Variants in EXOC6B observed in about 807,000 individuals in gnomAD.
EXOC6B encodes exocyst complex component 6B, also known as SEC15 homolog B.
In EXOC6B, 54 loss-of-function variants were observed where a neutral mutation model predicts 113.5. The ratio of observed to expected loss-of-function variants is 0.48; its 90% CI spans 0.38 to 0.60. The LOEUF is 0.60. Among genes scored for constraint, EXOC6B ranks in the 20% least tolerant of loss-of-function variants. The pLI is 0.00. For synonymous variants in EXOC6B, 357 were observed against 339.0 expected, an observed-to-expected ratio of 1.05 and a Z score of -0.58; for missense variants, 797 against 977.5, an observed-to-expected ratio of 0.82 and a Z score of 2.46.
At chr2:72,643,568 A>T (rs1233894881) in intron 6 of EXOC6B, among the ~76,000 whole-genome samples, 1 of 143,272 alleles carries the variant, frequency 7.0e-6, no homozygotes, top group Non-Finnish European at 1.5e-5. Flanking sequence ...AACAATGAGA[A>T]CACATGGACA....
At chr2:72,298,669 A>G (rs1156931341) in intron 20 of EXOC6B, among the ~76,000 whole-genome samples, 1 of 152,150 alleles carries the variant, frequency 6.6e-6, no homozygotes, top group Non-Finnish European at 1.5e-5. Flanking sequence ...GAGCTCTTGT[A>G]AGGCAGGCCT....
At chr2:72,810,041 C>T (rs1471773351) in intron 1 of EXOC6B, among the ~76,000 whole-genome samples, 2 of 152,098 alleles carry the variant, frequency 1.3e-5, no homozygotes, top group Non-Finnish European at 2.9e-5. Flanking sequence ...AAATCATATA[C>T]AGTATGTTCT....
chr2:72,735,445 C>A (rs369410296), intron 2 of EXOC6B, among the ~76,000 whole-genome samples: 1 of 152,152 alleles, frequency 6.6e-6, no homozygotes, highest in African/African-American at 2.4e-5. Flanking sequence ...GATCAAGGCA[C>A]ACTAAATTAA....
At chr2:72,190,751 A>G (rs114337207) in intron 20 of EXOC6B, among the ~76,000 whole-genome samples, 1,888 of 152,294 alleles carry the variant, frequency 0.012, 17 homozygotes, top group Non-Finnish European at 0.019. Flanking sequence ...TGTATCCTAG[A>G]ACTCACTCCC....
At chr2:72,576,263 A>T (rs1444618841) in intron 6 of EXOC6B, among the ~76,000 whole-genome samples, 1 of 152,084 alleles carries the variant, frequency 6.6e-6, no homozygotes, top group African/African-American at 2.4e-5. Context: ...CATGACTGTG[A>T]TCTGTGGAAA....
Position 72,317,133 on chromosome 2 carries a change from T to C in EXOC6B, c.2196+17814A>G, listed in dbSNP as rs573085779. 2.0e-5 allele frequency among the ~76,000 whole-genome samples: 3 copies of C among 150,456 alleles called. No individual in the cohort carries two copies. The South Asian group carries it at 6.3e-4, about 31-fold the overall frequency. On this transcript the variant is annotated intron_variant, in intron 20 of 21. Transcript: ENST00000272427. ...CTCTTAGGCTTTTTAAGCAGGCAAA[T>C]GCTACCATGATAATTGTGGTTTGTT...
chr2:72,495,343 C>T (rs746993402), intron 15 of EXOC6B, 87 bp downstream of exon 15: 50 of 674,220 alleles, frequency 7.4e-5, no homozygotes, highest in Middle Eastern at 7.8e-4. Flanking sequence ...TCAGGGCTGA[C>T]GGGACTATCA....
chr2:72,715,202 A>G (rs10180259), intron 6 of EXOC6B, among the ~76,000 whole-genome samples: 42,812 of 151,982 alleles, frequency 0.28, 11,807 homozygotes, highest in African/African-American at 0.72. Context: ...ACTCCAGCCT[A>G]GTGACAGAGT....
intron 8 of EXOC6B, among the ~76,000 whole-genome samples, chr2:72,533,448 C>G (rs1395336684): frequency 6.6e-6 from 1 of 152,160 alleles, no homozygotes; most frequent in African/African-American, 2.4e-5. Flanking sequence ...CTGACAGGCC[C>G]AAAGAGACCT....
chr2:72,458,499 A>G (rs766353026), intron 18 of EXOC6B, among the ~76,000 whole-genome samples: 6 of 152,124 alleles, frequency 3.9e-5, no homozygotes, highest in Non-Finnish European at 5.9e-5. Flanking sequence ...TAGACAAGAC[A>G]GAAATATGGC....
chr2:72,508,768 G>C (rs1433917706), intron 11 of EXOC6B, among the ~76,000 whole-genome samples: 4 of 151,724 alleles, frequency 2.6e-5, no homozygotes, highest in Non-Finnish European at 5.9e-5. Context: ...GCAAGACTCT[G>C]TCTCAAAAAA....
intron 6 of EXOC6B, among the ~76,000 whole-genome samples, chr2:72,632,175 T>G (rs987840936): frequency 2.0e-5 from 3 of 152,034 alleles, no homozygotes; most frequent in Non-Finnish European, 2.9e-5. Context: ...AATACACAAT[T>G]CACAAAGGAG....
At chr2:72,396,759 T>C (rs936159751) in intron 18 of EXOC6B, among the ~76,000 whole-genome samples, 1 of 152,042 alleles carries the variant, frequency 6.6e-6, no homozygotes, top group African/African-American at 2.4e-5. Context: ...CTCTTTCCTA[T>C]GTAAACATGT....
intron 6 of EXOC6B, among the ~76,000 whole-genome samples, chr2:72,652,540 T>C (rs1674256826): frequency 1.3e-5 from 2 of 151,840 alleles, no homozygotes; most frequent in South Asian, 4.1e-4. Context: ...CTGACATTAG[T>C]TATTTCTCAA....
chr2:72,699,333 G>C (rs867501846), intron 6 of EXOC6B, among the ~76,000 whole-genome samples: 2 of 152,110 alleles, frequency 1.3e-5, no homozygotes, highest in South Asian at 4.1e-4. Flanking sequence ...CGAAAAATTA[G>C]CTGGGCATGG....
intron 2 of EXOC6B, among the ~76,000 whole-genome samples, 182 bp downstream of exon 2, chr2:72,741,122 G>A (rs1159780321): frequency 1.3e-5 from 2 of 151,830 alleles, no homozygotes; most frequent in Admixed American, 1.3e-4. Context: ...AAGGGGGGGT[G>A]GGTATTGTTT....
In EXOC6B at chr2:72,542,667, T is replaced by A. The variant is rs183458448; in HGVS notation, c.915+16786A>T. Among the ~76,000 whole-genome samples, 300 of 152,340 alleles carry A rather than the reference T, an allele frequency of 2.0e-3. 2 individuals are homozygous for A. The highest frequency in any genetic ancestry group is 3.4e-3 in the Middle Eastern group (1 of 294). ...GATCATTTTGGTATATGCTGCTGAA[T>A]GACCAAAATCATCTATAAAAGAAAA... On this transcript the variant is annotated intron_variant, in intron 8 of 21. Coordinates refer to ENST00000272427, the MANE Select transcript of EXOC6B (RefSeq NM_015189.3).
At chr2:72,528,025 G>A (rs945959372) in intron 8 of EXOC6B, among the ~76,000 whole-genome samples, 1 of 151,808 alleles carries the variant, frequency 6.6e-6, no homozygotes, top group South Asian at 2.1e-4. Flanking sequence ...GTCTTCTGTA[G>A]AGTAAAAGTG....
At chr2:72,189,580 C>T (rs62150123) in intron 20 of EXOC6B, among the ~76,000 whole-genome samples, 14,028 of 152,162 alleles carry the variant, frequency 0.092, 1,032 homozygotes, top group African/African-American at 0.21. Context: ...TTTACTATGA[C>T]GGTTGAAAAC....
Sources: gnomAD v4.1 joint callset for allele counts (sites outside exome capture counted in the v4.1 genomes callset) on GRCh38, gnomAD v4.1.1 for gene constraint, MANE v1.5 for transcripts, NCBI Gene and HGNC (gene_info 2026-07-23, HGNC 2026-07-21) for gene names.